The following HDAC9 variants were observed in gnomAD, a reference collection of about 807,000 sequenced individuals.
The protein encoded by HDAC9 is MEF-2 interacting transcription repressor (MITR) protein.
In HDAC9, 41 loss-of-function variants were observed where a neutral mutation model predicts 139.4. That is an observed-to-expected ratio of 0.29 (90% CI 0.23 to 0.38). The LOEUF is 0.38. Among genes scored for constraint, HDAC9 ranks in the 10% least tolerant of loss-of-function variants. HDAC9 has a pLI of 1.00. For missense variants in HDAC9, 1,147 were observed against 1,297.0 expected (o/e 0.88, Z 1.78); for synonymous variants, 517 against 476.2 (o/e 1.09, Z -1.12).
chr7:18,946,311 A>C (rs1782401008), intron 23 of HDAC9, among the ~76,000 whole-genome samples: 1 of 152,114 alleles, frequency 6.6e-6, no homozygotes, highest in African/African-American at 2.4e-5. Context: ...TTTTAGAATC[A>C]GCTTGGGTGG....
chr7:18,835,928 A>G lies in HDAC9; in HGVS notation c.2615A>G (p.Asn872Ser). 3 of 1,562,310 alleles carry G rather than the reference A, an allele frequency of 1.9e-6. No homozygotes were observed. Among genetic ancestry groups the G allele is most frequent in the Non-Finnish European group, 1.7e-6 (2 of 1,151,846 alleles). ...EVGTGLGEGYNINIAWTGGLD... is the reference protein window; with the variant it reads ...EVGTGLGEGYSINIAWTGGLD... ...GGAACAGGCCTTGGAGAAGGGTACA[A>G]TATAAATATTGCCTGGACAGGTGGC... Residue 872 changes from asparagine to serine, a missense_variant, in exon 21 of 26, where the codon AAT (asparagine) becomes AGT (serine). By Grantham distance (46) the Asn-to-Ser change is conservative. Around this residue, in one of 7 missense-constraint regions of HDAC9, gnomAD observed 407 missense variants for 521.5 expected, o/e 0.78. Coordinates refer to ENST00000686413, the MANE Select transcript of HDAC9 (RefSeq NM_178425.4).
intron 2 of HDAC9, among the ~76,000 whole-genome samples, chr7:18,177,748 A>G (rs1789042780): frequency 6.6e-6 from 1 of 152,126 alleles, no homozygotes; most frequent in South Asian, 2.1e-4. Context: ...TGGGGTGTAT[A>G]TAGAGTGAAG....
At chr7:18,539,050 A>G (rs558482408) in intron 2 of HDAC9, among the ~76,000 whole-genome samples, 1 of 152,272 alleles carries the variant, frequency 6.6e-6, no homozygotes, top group South Asian at 2.1e-4. Flanking sequence ...ACCTTATCTC[A>G]TCTTAATTAC....
intron 1 of HDAC9, among the ~76,000 whole-genome samples, chr7:18,385,966 T>C (rs1785891865): frequency 6.6e-6 from 1 of 152,198 alleles, no homozygotes; most frequent in Admixed American, 6.5e-5. Context: ...TTCAAGCTGC[T>C]TTTAATGTTT....
At chr7:18,586,537 G>A (rs1281724666) in intron 3 of HDAC9, among the ~76,000 whole-genome samples, 1 of 152,048 alleles carries the variant, frequency 6.6e-6, no homozygotes, top group Admixed American at 6.6e-5. Context: ...ATAGAGGGTT[G>A]ATACAGATAA....
chr7:18,364,846 A>T (rs961643365), intron 1 of HDAC9, among the ~76,000 whole-genome samples: 1 of 152,150 alleles, frequency 6.6e-6, no homozygotes, highest in African/African-American at 2.4e-5. Flanking sequence ...TAATTCTTTC[A>T]GGAAGCTCAA....
At chr7:18,103,128 G>A (rs982338371) in intron 1 of HDAC9, among the ~76,000 whole-genome samples, 4 of 152,240 alleles carry the variant, frequency 2.6e-5, no homozygotes, top group African/African-American at 9.6e-5. Flanking sequence ...GAGAGCTTGT[G>A]CAGGGGAACT....
chr7:18,768,006 T>C (rs11975297), intron 16 of HDAC9, among the ~76,000 whole-genome samples: 25,393 of 152,160 alleles, frequency 0.17, 4,004 homozygotes, highest in African/African-American at 0.4. Context: ...TGAATATTTT[T>C]AGTTTATTCT....
At chr7:18,307,796 C>G (rs1460787828) in intron 1 of HDAC9, among the ~76,000 whole-genome samples, 1 of 152,056 alleles carries the variant, frequency 6.6e-6, no homozygotes, top group Non-Finnish European at 1.5e-5. Context: ...GAGTGAGACT[C>G]TGTCCCAAAT....
At chr7:18,927,654 G>A (rs1218216504) in intron 22 of HDAC9, among the ~76,000 whole-genome samples, 1 of 152,194 alleles carries the variant, frequency 6.6e-6, no homozygotes, top group Non-Finnish European at 1.5e-5. Context: ...AATGTGTGGT[G>A]AAGTCTTCAT....
At chr7:18,281,312 T>C (rs1797091933) in intron 2 of HDAC9, among the ~76,000 whole-genome samples, 2 of 152,232 alleles carry the variant, frequency 1.3e-5, no homozygotes, top group African/African-American at 4.8e-5. Flanking sequence ...TATATTCATA[T>C]ATTTTCTCAA....
intron 8 of HDAC9, among the ~76,000 whole-genome samples, chr7:18,641,424 C>G (rs1186227462): frequency 2.7e-5 from 1 of 36,948 alleles, no homozygotes; most frequent in Admixed American, 3.2e-4. Flanking sequence ...TTCTGTGCAC[C>G]TAACTACCAT....
intron 25 of HDAC9, among the ~76,000 whole-genome samples, chr7:18,994,342 A>G (rs193251107): frequency 6.4e-4 from 98 of 152,358 alleles, no homozygotes; most frequent in Non-Finnish European, 6.6e-4. Flanking sequence ...TTATGTATGA[A>G]TTAGTTTCAA....
intron 23 of HDAC9, among the ~76,000 whole-genome samples, chr7:18,939,281 G>C (rs1781863077): frequency 6.6e-6 from 1 of 152,148 alleles, no homozygotes; most frequent in Non-Finnish European, 1.5e-5. Context: ...ATTCCTAGCA[G>C]ATACTTTAAG....
chr7:18,235,711 TG>T (rs1793768911), intron 2 of HDAC9, among the ~76,000 whole-genome samples: 1 of 152,228 alleles, frequency 6.6e-6, no homozygotes, highest in South Asian at 2.1e-4. Context: ...GAGATTGCCA[TG>T]GCAGGGAAGA....
intron 12 of HDAC9, among the ~76,000 whole-genome samples, chr7:18,703,395 A>G (rs1334294600): frequency 6.6e-6 from 1 of 152,166 alleles, no homozygotes; most frequent in Admixed American, 6.5e-5. Flanking sequence ...TTTTTAAATT[A>G]AATAAAATAT....
intron 1 of HDAC9, among the ~76,000 whole-genome samples, chr7:18,377,082 G>T (rs1040785802): frequency 6.6e-6 from 1 of 152,134 alleles, no homozygotes; most frequent in Non-Finnish European, 1.5e-5. Context: ...TATAGCAACA[G>T]AAATTGATTT....
At chr7:18,912,898 C>T (rs576375725) in intron 22 of HDAC9, among the ~76,000 whole-genome samples, 2 of 151,978 alleles carry the variant, frequency 1.3e-5, no homozygotes, top group Admixed American at 6.6e-5. Flanking sequence ...TGCTCATGCA[C>T]CTTGAAATGT....
chr7:18,606,859 G>A (rs1835657211), intron 6 of HDAC9, among the ~76,000 whole-genome samples: 1 of 152,102 alleles, frequency 6.6e-6, no homozygotes, highest in African/African-American at 2.4e-5. Flanking sequence ...TCTCATGGAT[G>A]TTTATAGTTT....
Sources: allele counts gnomAD v4.1 joint callset (sites outside exome capture counted in the v4.1 genomes callset), GRCh38; gene constraint gnomAD v4.1.1; regional missense constraint gnomAD v4.1.1; transcripts MANE v1.5; gene names NCBI Gene and HGNC (gene_info 2026-07-23, HGNC 2026-07-21).